FARS2: variants seen among roughly 807,000 people sequenced by gnomAD.
The protein encoded by FARS2 is phenylalanyl-tRNA synthetase 2, mitochondrial, also known as phenylalanine--tRNA ligase, mitochondrial.
In FARS2, 40 loss-of-function variants were observed where a neutral mutation model predicts 46.4. The observed-to-expected ratio is 0.86, with a 90% CI of 0.67 to 1.12. The LOEUF (loss-of-function observed/expected upper bound fraction) is 1.12, where lower values mean the gene tolerates loss of function less well. Ranked by LOEUF, FARS2 falls within the 50% of genes most tolerant of loss-of-function variation. The probability of loss-of-function intolerance (pLI) is 0.00; values close to 1 mark genes in which losing one functional copy is unlikely to be tolerated. For synonymous variants in FARS2, 234 were observed against 214.9 expected, an observed-to-expected ratio of 1.09 and a Z score of -0.78; for missense variants, 513 against 567.9, an observed-to-expected ratio of 0.90 and a Z score of 0.98.
At chr6:5,460,633 C>T (rs1378750503) in intron 4 of FARS2, among the ~76,000 whole-genome samples, 1 of 152,142 alleles carries the variant, frequency 6.6e-6, no homozygotes, top group Non-Finnish European at 1.5e-5. Flanking sequence ...GCTGTAGCTG[C>T]AGTCCAAGGA....
At chr6:5,289,250 A>G (rs924487761) in intron 1 of FARS2, among the ~76,000 whole-genome samples, 36 of 152,236 alleles carry the variant, frequency 2.4e-4, no homozygotes, top group African/African-American at 8.4e-4. Flanking sequence ...CCAGTGCTCC[A>G]AAGACTGGAA....
chr6:5,270,261 C>G (rs995922318), intron 1 of FARS2, among the ~76,000 whole-genome samples: 19 of 152,276 alleles, frequency 1.2e-4, no homozygotes, highest in Middle Eastern at 3.4e-3. Flanking sequence ...AGTCTTGGAG[C>G]ACTTTGAGAC....
intron 2 of FARS2, among the ~76,000 whole-genome samples, chr6:5,374,811 T>C (rs1759276395): frequency 6.6e-6 from 1 of 152,036 alleles, no homozygotes; most frequent in African/African-American, 2.4e-5. Context: ...AGAAAAAGCA[T>C]GTGATCATCT....
intron 1 of FARS2, among the ~76,000 whole-genome samples, chr6:5,340,457 C>G (rs1370511912): frequency 1.3e-5 from 2 of 152,144 alleles, no homozygotes; most frequent in Non-Finnish European, 2.9e-5. Flanking sequence ...TCTCAGAATA[C>G]TTTTGTAAGA....
rs192406455 is a variant in FARS2 at position 5,558,629 on chromosome 6, C to T, written c.1065+13289C>T. Among the ~76,000 whole-genome samples the T allele has an allele frequency of 2.0e-3, 297 of 152,106 alleles. 3 individuals carry two copies. Among genetic ancestry groups the T allele is most frequent in the African/African-American group, 6.6e-3 (275 of 41,448 alleles). On this transcript the variant is annotated intron_variant, in intron 5 of 6. Transcript: ENST00000274680. Reference sequence around the variant, plus strand: ...TCGGCTCACTGCAAACTCTGCCTCGCGGGTTCATGCCATTCTCCTGCCTCA... The same window carrying T: ...TCGGCTCACTGCAAACTCTGCCTCGTGGGTTCATGCCATTCTCCTGCCTCA...
At chr6:5,738,745 A>T (rs894573858) in intron 6 of FARS2, among the ~76,000 whole-genome samples, 1 of 148,636 alleles carries the variant, frequency 6.7e-6, no homozygotes, top group African/African-American at 2.5e-5. Flanking sequence ...CAGTTAAAAT[A>T]AAAAAACTTA....
At chr6:5,758,574 C>T (rs150330969) in intron 6 of FARS2, among the ~76,000 whole-genome samples, 216 of 152,298 alleles carry the variant, frequency 1.4e-3, no homozygotes, top group Non-Finnish European at 2.7e-3. Flanking sequence ...AGTGTCTGAC[C>T]TCCTCAACCA....
intron 4 of FARS2, among the ~76,000 whole-genome samples, chr6:5,514,976 C>T (rs1768698491): frequency 6.6e-6 from 1 of 151,262 alleles, no homozygotes; most frequent in Non-Finnish European, 1.5e-5. Context: ...TGGGGTCTTA[C>T]TGTTGCCCAG....
At position 5,547,831 on chromosome 6, in the gene FARS2, G is replaced by A. The variant is rs1057469267; in HGVS notation, c.1065+2491G>A. On this transcript the variant is annotated intron_variant, in intron 5 of 6. Transcript: ENST00000274680. ...TTCTGCCTACTCACGCCCCAGTGGCGACAGCAGCCATCAGTGTCTGTCTAC... is the reference window on the plus strand; with the variant it reads ...TTCTGCCTACTCACGCCCCAGTGGCAACAGCAGCCATCAGTGTCTGTCTAC... Among the ~76,000 whole-genome samples, 7 of 152,192 alleles carry A rather than the reference G, an allele frequency of 4.6e-5. No individual in the cohort carries two copies. In the East Asian group the frequency reaches 9.6e-4, roughly 21 times the overall value.
chr6:5,479,832 G>A (rs1389435686), intron 4 of FARS2, among the ~76,000 whole-genome samples: 1 of 152,196 alleles, frequency 6.6e-6, no homozygotes, highest in East Asian at 1.9e-4. Context: ...AACCCACACA[G>A]CCACACCTGA....
In FARS2 at chr6:5,466,688, G is replaced by A. The variant is rs138131000; in HGVS notation, c.904+35516G>A. Reference sequence around the variant, plus strand: ...TGACTCAGTGATTTTCAAACCTGGGGAGCTGGATAAAAATGCCTGTTTCCT... The same window carrying A: ...TGACTCAGTGATTTTCAAACCTGGGAAGCTGGATAAAAATGCCTGTTTCCT... On this transcript the variant is annotated intron_variant, in intron 4 of 6. Coordinates refer to ENST00000274680, the MANE Select transcript of FARS2 (RefSeq NM_006567.5). 6.4e-5 allele frequency: 63 copies of A among 985,314 alleles called. No homozygotes were observed. The East Asian group carries it at 5.8e-3, about 91-fold the overall frequency. 61.0% of individuals were successfully genotyped at this position (985,314 alleles called of 1,614,324 possible). A position where few individuals can be genotyped will look rare whatever the true frequency, so the allele number is the denominator to read the frequency against.
intron 6 of FARS2, among the ~76,000 whole-genome samples, chr6:5,642,339 T>C: frequency 6.6e-6 from 1 of 152,238 alleles, no homozygotes; most frequent in East Asian, 1.9e-4. Context: ...CCATGGGAAG[T>C]GCTCTTCTGA....
chr6:5,702,007 A>T (rs567176886), intron 6 of FARS2, among the ~76,000 whole-genome samples: 4 of 152,234 alleles, frequency 2.6e-5, no homozygotes, highest in African/African-American at 7.2e-5. Flanking sequence ...TGTTCTCATG[A>T]TTTTCAAATT....
intron 1 of FARS2, among the ~76,000 whole-genome samples, chr6:5,324,675 A>G (rs968644279): frequency 6.6e-5 from 10 of 152,186 alleles, no homozygotes; most frequent in African/African-American, 2.4e-4. Context: ...AAGCATAAAT[A>G]TACAATAAAC....
Position 5,473,546 on chromosome 6 carries a change from A to AAAC in FARS2, c.904+42376_904+42377insCAA, listed in dbSNP as rs1491528254. 9.0e-3 allele frequency among the ~76,000 whole-genome samples: 242 copies of AAAC among 26,756 alleles called. 2 individuals are homozygous for AAAC. The highest frequency in any genetic ancestry group is 0.086 in the South Asian group (60 of 700). The allele number at this position is 26,756 out of a possible 152,430, so 17.6% of individuals were successfully genotyped here. A position where few individuals can be genotyped will look rare whatever the true frequency, so the allele number is the denominator to read the frequency against. ...TGTCTCAAAAAACAAAAAAAAAAAC[A>AAAC]AAAAAAAAAAACAAAAGAATACCCT... On this transcript the variant is annotated intron_variant, in intron 4 of 6. Transcript: ENST00000274680.
chr6:5,697,890 T>C (rs577083343), intron 6 of FARS2, among the ~76,000 whole-genome samples: 1 of 151,358 alleles, frequency 6.6e-6, no homozygotes, highest in Admixed American at 6.6e-5. Flanking sequence ...ACTTGTTTTT[T>C]TAATTTAAAA....
chr6:5,382,116 G>A (rs1296572893), intron 2 of FARS2, among the ~76,000 whole-genome samples: 2 of 152,182 alleles, frequency 1.3e-5, no homozygotes, highest in Non-Finnish European at 2.9e-5. Context: ...TAGCGTGTGT[G>A]TATTCTTTAA....
At chr6:5,277,577 A>G (rs1325473085) in intron 1 of FARS2, among the ~76,000 whole-genome samples, 1 of 152,228 alleles carries the variant, frequency 6.6e-6, no homozygotes, top group Non-Finnish European at 1.5e-5. Context: ...TTTGTTTGTA[A>G]AGAGACGATA....
intron 6 of FARS2, among the ~76,000 whole-genome samples, chr6:5,678,342 T>C (rs1778867541): frequency 6.6e-6 from 1 of 152,198 alleles, no homozygotes; most frequent in African/African-American, 2.4e-5. Context: ...TGCCATCCTT[T>C]GTAGACTTGG....
Sources: allele counts gnomAD v4.1 joint callset (sites outside exome capture counted in the v4.1 genomes callset), GRCh38; gene constraint gnomAD v4.1.1; transcripts MANE v1.5; gene names NCBI Gene and HGNC (gene_info 2026-07-23, HGNC 2026-07-21).